The following NBPF20 variants were observed in gnomAD, a reference collection of about 807,000 sequenced individuals.
NBPF20 encodes the protein NBPF family member NBPF20.
In NBPF20, 90 loss-of-function variants were observed where a neutral mutation model predicts 68.1. That is an observed-to-expected ratio of 1.32 (90% CI 1.11 to 1.58). The LOEUF (loss-of-function observed/expected upper bound fraction) is 1.58. Among genes scored for constraint, NBPF20 ranks in the 40% most tolerant of loss-of-function variants. The pLI is 0.00. For missense variants in NBPF20, 816 were observed against 601.2 expected, an observed-to-expected ratio of 1.36 and a Z score of -3.74; for synonymous variants, 290 against 228.1, an observed-to-expected ratio of 1.27 and a Z score of -2.45.
chr1:145,410,787 C>CACAT, the NBPF20 span, among the ~76,000 whole-genome samples: 74 of 114,980 alleles, frequency 6.4e-4, no homozygotes, highest in African/African-American at 2.4e-3. Flanking sequence ...TATACACACA[C>CACAT]ATATATATAC....
chr1:145,394,177 T>C (rs1279952068), intron 8 of NBPF20, among the ~76,000 whole-genome samples: 16 of 152,166 alleles, frequency 1.1e-4, no homozygotes, highest in Non-Finnish European at 1.8e-4. Context: ...TGCTCTGTCC[T>C]AGGCTTCTGT....
At position 145,292,590 on chromosome 1, in the gene NBPF20, C is replaced by A. The variant is rs1246454530; in HGVS notation, c.16589-101G>T. On this transcript the variant is annotated intron_variant, in intron 136 of 137. Transcript: ENST00000369373. ...CACACAGGGACCTCAGGCTCCCCAGCATAAGAATAGGACACTTTGAGAGAT... is the reference window on the plus strand; with the variant it reads ...CACACAGGGACCTCAGGCTCCCCAGAATAAGAATAGGACACTTTGAGAGAT... 1.5e-5 allele frequency: 11 copies of A among 745,858 alleles called. 1 individual carries two copies. The highest frequency in any genetic ancestry group is 7.5e-5 in the African/African-American group (4 of 53,478). The allele number at this position is 745,858 out of a possible 1,614,324, so 46.2% of individuals were successfully genotyped here. A position where few individuals can be genotyped will look rare whatever the true frequency, so the allele number is the denominator to read the frequency against.
chr1:145,292,094 G>A (rs1661152072), intron 137 of NBPF20, among the ~76,000 whole-genome samples: 1 of 149,602 alleles, frequency 6.7e-6, no homozygotes, highest in Non-Finnish European at 1.5e-5. Context: ...CTGTGATCAT[G>A]AAAAGAGTGA....
At chr1:145,292,280 C>T (rs1553658085) in intron 137 of NBPF20, 101 bp downstream of exon 142, 1 of 608,102 alleles carries the variant, frequency 1.6e-6, no homozygotes, top group Admixed American at 2.9e-5. Flanking sequence ...AGTAATTCAG[C>T]CTTCGTTGAA....
At chr1:145,352,320 C>G (rs1279210495) in intron 61 of NBPF20, among the ~76,000 whole-genome samples, 8 of 91,086 alleles carry the variant, frequency 8.8e-5, no homozygotes, top group African/African-American at 1.2e-4. Flanking sequence ...CACACACACA[C>G]ACACACACAG....
At chr1:145,404,250 T>G (rs1233312892) in intron 2 of NBPF20, among the ~76,000 whole-genome samples, 1 of 122,056 alleles carries the variant, frequency 8.2e-6, no homozygotes, top group African/African-American at 3.4e-5. Flanking sequence ...TTATTTTTGA[T>G]TTATTTATCT....
chr1:145,405,797 C>A (rs1662750149), upstream of NBPF20: 2 of 318,536 alleles, frequency 6.3e-6, no homozygotes, highest in African/African-American at 4.5e-5. Flanking sequence ...CTGTTTATCT[C>A]TTGTCTGTAC....
intron 8 of NBPF20, among the ~76,000 whole-genome samples, chr1:145,394,456 T>G (rs1553663234): frequency 2.0e-5 from 3 of 152,018 alleles, no homozygotes; most frequent in Non-Finnish European, 4.4e-5. Flanking sequence ...AGGAACATGA[T>G]GGACAGATGA....
At chr1:145,415,245 T>C in the NBPF20 span, among the ~76,000 whole-genome samples, 3 of 151,852 alleles carry the variant, frequency 2.0e-5, no homozygotes, top group East Asian at 3.9e-4. Flanking sequence ...GCTGCCAGCA[T>C]GTCCCACCTC....
chr1:145,422,035 C>T, the NBPF20 span, among the ~76,000 whole-genome samples: 1 of 150,692 alleles, frequency 6.6e-6, no homozygotes, highest in African/African-American at 2.4e-5. Flanking sequence ...GAGACACTGT[C>T]TCAAGAAAAA....
chr1:145,291,396 G>C (rs1337341855), exon 138 of NBPF20: 20 of 1,584,712 alleles, frequency 1.3e-5, no homozygotes, highest in African/African-American at 5.5e-5. Context: ...TTTGAGAATA[G>C]GAATACAGCC....
intron 9 of NBPF20, chr1:145,393,606 T>A: frequency 1.4e-6 from 1 of 690,690 alleles, no homozygotes; most frequent in Non-Finnish European, 2.4e-6. Flanking sequence ...ATGTCCTCAA[T>A]AATTTTGCAT....
At chr1:145,417,367 T>C in the NBPF20 span, among the ~76,000 whole-genome samples, 2 of 145,310 alleles carry the variant, frequency 1.4e-5, no homozygotes, top group African/African-American at 5.1e-5. Flanking sequence ...TCCTAAGAGA[T>C]AAAATAGGAG....
Position 145,397,595 on chromosome 1 carries a change from G to A in NBPF20, c.827+1454C>T, listed in dbSNP as rs1199873797. Reference sequence around the variant, plus strand: ...AGCTCCTAAAGGAAGCAGTAAACATGGAAAGGAACAACCGGTACCAGCCAC... The same window carrying A: ...AGCTCCTAAAGGAAGCAGTAAACATAGAAAGGAACAACCGGTACCAGCCAC... On this transcript the variant is annotated intron_variant, in intron 7 of 137. Transcript: ENST00000369373. Among the ~76,000 whole-genome samples, 24 of 152,250 alleles carry A rather than the reference G, an allele frequency of 1.6e-4. 1 individual carries two copies. Among genetic ancestry groups the A allele is most frequent in the Admixed American group, 1.6e-3 (24 of 15,286 alleles).
intron 6 of NBPF20, among the ~76,000 whole-genome samples, chr1:145,400,036 C>T (rs1376660128): frequency 6.6e-6 from 1 of 152,162 alleles, no homozygotes; most frequent in Non-Finnish European, 1.5e-5. Context: ...TGCCAGCTTC[C>T]TTAAACAGGC....
intron 7 of NBPF20, among the ~76,000 whole-genome samples, chr1:145,396,757 T>C (rs1662265355): frequency 2.7e-5 from 1 of 37,258 alleles, no homozygotes; most frequent in Non-Finnish European, 4.2e-5. Context: ...TGTGTATGTA[T>C]ATATATATAT....
upstream of NBPF20, chr1:145,408,317 T>A (rs1318208834): frequency 2.6e-5 from 4 of 153,372 alleles, no homozygotes; most frequent in African/African-American, 9.7e-5. Context: ...CAGGGATAGA[T>A]GGACAGACAC....
upstream of NBPF20, chr1:145,407,818 T>C (rs1290432344): frequency 6.4e-6 from 1 of 157,362 alleles, no homozygotes; most frequent in East Asian, 1.8e-4. Flanking sequence ...ACGGCCATTG[T>C]GGGCAACAAG....
At chr1:145,291,340 G>A (rs1418707293) in exon 138 of NBPF20, 61 of 1,068,176 alleles carry the variant, frequency 5.7e-5, no homozygotes, top group Middle Eastern at 3.1e-4. Context: ...CACACCTAAC[G>A]TGGGTCCATT....
Sources: allele counts gnomAD v4.1 joint callset (sites outside exome capture counted in the v4.1 genomes callset), GRCh38; gene constraint gnomAD v4.1.1; transcripts MANE v1.5; gene names NCBI Gene and HGNC (gene_info 2026-07-23, HGNC 2026-07-21).